The following NIPBL variants were observed in gnomAD, a reference collection of about 807,000 sequenced individuals.
The protein encoded by NIPBL is nipped-B-like protein.
NIPBL carries 19 observed loss-of-function variants against 321.8 expected under a neutral mutation model. The observed-to-expected ratio is 0.06, with a 90% CI of 0.04 to 0.09. NIPBL has a LOEUF of 0.09. Among genes scored for constraint, NIPBL ranks in the 10% least tolerant of loss-of-function variants. NIPBL has a pLI of 1.00. For missense variants in NIPBL, 2,210 were observed against 3,327.0 expected (o/e 0.66, Z 8.26); for synonymous variants, 1,106 against 1,114.1 (o/e 0.99, Z 0.14).
At chr5:36,976,654 T>G (rs1743495586) in intron 9 of NIPBL, among the ~76,000 whole-genome samples, 1 of 152,162 alleles carries the variant, frequency 6.6e-6, no homozygotes, top group Non-Finnish European at 1.5e-5. Flanking sequence ...CTATATGATT[T>G]TACTTATTTG....
intron 32 of NIPBL, among the ~76,000 whole-genome samples, chr5:37,029,384 T>A (rs1245368509): frequency 6.6e-6 from 1 of 152,258 alleles, no homozygotes; most frequent in Non-Finnish European, 1.5e-5. Context: ...TGATTCATTC[T>A]TGTTGCTAAT....
intron 1 of NIPBL, among the ~76,000 whole-genome samples, chr5:36,939,382 A>G (rs1738816143): frequency 6.6e-6 from 1 of 152,212 alleles, no homozygotes; most frequent in Admixed American, 6.5e-5. Flanking sequence ...TGTTACAAAA[A>G]TGGAATCATG....
chr5:36,987,614 C>A (rs527386120), intron 10 of NIPBL, among the ~76,000 whole-genome samples: 31 of 152,254 alleles, frequency 2.0e-4, no homozygotes, highest in Non-Finnish European at 3.7e-4. Flanking sequence ...GTTATTCTTG[C>A]TTGGTCTTCG....
intron 1 of NIPBL, among the ~76,000 whole-genome samples, chr5:36,952,018 CTGTGTGTGTGTGTGTG>C (rs60067315): frequency 6.9e-5 from 7 of 101,936 alleles, no homozygotes; most frequent in African/African-American, 1.2e-4. Context: ...CTCTGTTAAA[CTGTGTGTGTGTGTGTG>C]TGTGTGTGTG....
intron 1 of NIPBL, among the ~76,000 whole-genome samples, chr5:36,920,808 T>A (rs1283280837): frequency 6.6e-6 from 1 of 151,572 alleles, no homozygotes; most frequent in East Asian, 1.9e-4. Flanking sequence ...CTTACATATC[T>A]TCTTCTTTGT....
rs115595429 is a variant in NIPBL at position 37,062,454 on chromosome 5, G to A, written c.7861-1336G>A. ...GTATATAAAATGTGCTTTAAAAATA[G>A]AGACAGATAATAGACTAGAGGTTAC... On this transcript the variant is annotated intron_variant, in intron 45 of 46. Coordinates refer to ENST00000282516, the MANE Select transcript of NIPBL (RefSeq NM_133433.4). 1.6e-3 allele frequency among the ~76,000 whole-genome samples: 239 copies of A among 151,736 alleles called. 3 individuals carry two copies. Among genetic ancestry groups the A allele is most frequent in the African/African-American group, 5.6e-3 (233 of 41,374 alleles).
intron 44 of NIPBL, 139 bp from the exon 45 acceptor site, chr5:37,060,705 G>A: frequency 2.7e-6 from 2 of 745,352 alleles, no homozygotes; most frequent in Non-Finnish European, 4.3e-6. Context: ...TATTGAAGCT[G>A]TCCTAGGATC....
chr5:36,955,922 T>A (rs918063430), intron 3 of NIPBL, among the ~76,000 whole-genome samples: 4 of 151,958 alleles, frequency 2.6e-5, no homozygotes, highest in Admixed American at 2.0e-4. Context: ...AGAGATCTGG[T>A]CATGAAACTA....
At chr5:37,027,854 G>A (rs1328709677) in intron 32 of NIPBL, among the ~76,000 whole-genome samples, 7 of 151,906 alleles carry the variant, frequency 4.6e-5, no homozygotes, top group African/African-American at 1.7e-4. Flanking sequence ...CCTGACCTCA[G>A]GTGACCTGCG....
In NIPBL at chr5:36,971,975, G is replaced by A. The variant is rs1742895545; in HGVS notation, c.802G>A (p.Ala268Thr). The change falls in exon 8 of 47, where the codon GCA becomes ACA. Residue 268 changes from alanine to threonine, a missense_variant. Ala to Thr is a moderately conservative substitution (Grantham distance 58, BLOSUM62 0). Around this residue, in one of 14 missense-constraint regions of NIPBL, gnomAD observed 464 missense variants for 529.5 expected, o/e 0.88. Transcript: ENST00000282516. ...DGDSSTMRNA[A>T]SFPLRSPQPV... ...AGATTCTTCAACAATGAGGAATGCT[G>A]CATCTTTTCCCTTGAGATCTCCACA... The A allele has an allele frequency of 1.2e-6, 2 of 1,611,886 alleles. No homozygotes were observed. The highest frequency in any genetic ancestry group is 3.3e-4 in the Middle Eastern group (2 of 6,074).
intron 33 of NIPBL, among the ~76,000 whole-genome samples, chr5:37,037,522 A>G (rs920152784): frequency 2.0e-5 from 3 of 150,428 alleles, no homozygotes; most frequent in Non-Finnish European, 4.4e-5. Context: ...ATGAGGAACA[A>G]CGTCAGCCTC....
rs552261736 is a variant in NIPBL at position 37,024,814 on chromosome 5, A to G, written c.5709+95A>G. 5 of 928,552 alleles carry G rather than the reference A, an allele frequency of 5.4e-6. No homozygotes were observed. In the Admixed American group the frequency reaches 1.0e-4, roughly 19 times the overall value. 57.5% of individuals were successfully genotyped at this position (928,552 alleles called of 1,614,324 possible). A position where few individuals can be genotyped will look rare whatever the true frequency, so the allele number is the denominator to read the frequency against. On this transcript the variant is annotated intron_variant, in intron 30 of 46. Coordinates refer to ENST00000282516, the MANE Select transcript of NIPBL (RefSeq NM_133433.4). ...ATGTTGATTTTAAATATATCCAAACACTTTACAATGAATCGTTTATAGTTT... is the reference window on the plus strand; with the variant it reads ...ATGTTGATTTTAAATATATCCAAACGCTTTACAATGAATCGTTTATAGTTT...
chr5:36,938,043 C>T (rs1217621685), intron 1 of NIPBL, among the ~76,000 whole-genome samples: 1 of 152,126 alleles, frequency 6.6e-6, no homozygotes, highest in Non-Finnish European at 1.5e-5. Context: ...TTACCCCCTG[C>T]TCCTAAAGGG....
chr5:36,926,886 G>A (rs1240056965), intron 1 of NIPBL, among the ~76,000 whole-genome samples: 1 of 152,020 alleles, frequency 6.6e-6, no homozygotes, highest in Non-Finnish European at 1.5e-5. Context: ...ATTGGTAATA[G>A]GGCAAATGGT....
intron 9 of NIPBL, among the ~76,000 whole-genome samples, chr5:36,984,421 T>C (rs796195241): frequency 8.5e-5 from 13 of 152,246 alleles, no homozygotes; most frequent in Admixed American, 2.0e-4. Context: ...CTTACACTTA[T>C]TTATATCCTT....
intron 34 of NIPBL, among the ~76,000 whole-genome samples, chr5:37,042,558 G>A (rs1403285720): frequency 1.3e-5 from 2 of 151,976 alleles, no homozygotes; most frequent in Admixed American, 6.5e-5. Context: ...TTGGGAGGCC[G>A]AGGCAGGCAG....
At position 37,000,501 on chromosome 5, in the gene NIPBL, C is replaced by T. The variant is rs371871116; in HGVS notation, c.3433C>T (p.Arg1145Cys). Reference protein sequence around the residue: ...HEGRRSSGGGRYRNRSPSDSD... With the variant: ...HEGRRSSGGGCYRNRSPSDSD... ...AGGAAGAAGGAGTTCAGGTGGTGGT[C>T]GTTATCGAAACCGAAGTCCGTCAGA... The change falls in exon 12 of 47, where the codon CGT becomes TGT. Residue 1145 changes from arginine to cysteine, a missense_variant. By Grantham distance (180) the Arg-to-Cys change is radical. Transcript: ENST00000282516. The T allele has an allele frequency of 1.2e-6, 2 of 1,613,330 alleles. No individual in the cohort carries two copies. Among genetic ancestry groups the T allele is most frequent in the Non-Finnish European group, 1.7e-6 (2 of 1,179,520 alleles).
chr5:36,980,171 C>T (rs1743972171), intron 9 of NIPBL, among the ~76,000 whole-genome samples: 1 of 151,658 alleles, frequency 6.6e-6, no homozygotes, highest in Non-Finnish European at 1.5e-5. Context: ...ACAAAGTCAA[C>T]AGATACAACA....
intron 1 of NIPBL, among the ~76,000 whole-genome samples, chr5:36,890,989 G>A (rs1308617393): frequency 6.6e-6 from 1 of 152,166 alleles, no homozygotes; most frequent in Non-Finnish European, 1.5e-5. Flanking sequence ...CTTCAGGCCG[G>A]GCACGGTGGC....
Sources: allele counts gnomAD v4.1 joint callset (sites outside exome capture counted in the v4.1 genomes callset), GRCh38; gene constraint gnomAD v4.1.1; regional missense constraint gnomAD v4.1.1; transcripts MANE v1.5; gene names NCBI Gene and HGNC (gene_info 2026-07-23, HGNC 2026-07-21).